The following SEMA3E variants were observed in gnomAD, a reference collection of about 807,000 sequenced individuals.
SEMA3E encodes the protein semaphorin-3E.
In SEMA3E, 49 loss-of-function variants were observed where a neutral mutation model predicts 93.6. The observed-to-expected ratio is 0.52, with a 90% CI of 0.42 to 0.66. The LOEUF (loss-of-function observed/expected upper bound fraction) is 0.66. Among genes scored for constraint, SEMA3E ranks in the 30% least tolerant of loss-of-function variants. SEMA3E has a pLI of 0.00. For missense variants in SEMA3E, 906 were observed against 964.8 expected (o/e 0.94, Z 0.81); for synonymous variants, 363 against 330.7 (o/e 1.10, Z -1.06).
intron 1 of SEMA3E, among the ~76,000 whole-genome samples, chr7:83,526,635 G>A (rs1791166271): frequency 1.3e-5 from 2 of 151,944 alleles, no homozygotes; most frequent in South Asian, 4.2e-4. Context: ...TGGCCACCTC[G>A]GTTCTGCCAA....
intron 13 of SEMA3E, among the ~76,000 whole-genome samples, 181 bp downstream of exon 13, chr7:83,394,116 G>A (rs904612250): frequency 3.9e-5 from 6 of 152,040 alleles, no homozygotes; most frequent in Non-Finnish European, 8.8e-5. Flanking sequence ...TTAATATTTT[G>A]TTAACAGGGT....
At chr7:83,527,543 A>C (rs2115711359) in intron 1 of SEMA3E, among the ~76,000 whole-genome samples, 1 of 152,298 alleles carries the variant, frequency 6.6e-6, no homozygotes, top group African/African-American at 2.4e-5. Context: ...TCAAGAATTT[A>C]GGTTACAACT....
intron 1 of SEMA3E, among the ~76,000 whole-genome samples, chr7:83,555,192 C>T (rs1033993851): frequency 2.0e-5 from 3 of 151,990 alleles, no homozygotes; most frequent in Admixed American, 6.6e-5. Context: ...AATAAAAATT[C>T]GCCCTGACCT....
chr7:83,368,930 G>A (rs902244565), intron 16 of SEMA3E, among the ~76,000 whole-genome samples: 3 of 152,166 alleles, frequency 2.0e-5, no homozygotes, highest in Non-Finnish European at 4.4e-5. Context: ...GGGCATTCAT[G>A]TATGTTTCTT....
chr7:83,523,130 T>C (rs1261712640), intron 1 of SEMA3E, among the ~76,000 whole-genome samples: 1 of 152,056 alleles, frequency 6.6e-6, no homozygotes, highest in African/African-American at 2.4e-5. Flanking sequence ...CCAGAGCAAA[T>C]GAGCATCAGA....
chr7:83,466,376 C>G, intron 4 of SEMA3E, 106 bp downstream of exon 4: 6 of 1,358,840 alleles, frequency 4.4e-6, no homozygotes, highest in Non-Finnish European at 3.1e-6. Flanking sequence ...TTCAGTACAT[C>G]GCAAATGCTT....
At position 83,639,130 on chromosome 7, in the gene SEMA3E, A is replaced by C. The variant is rs1439107121; in HGVS notation, c.115+9298T>G. ...CGTCTCAAAAAAAAAAAAAAAAAAA[A>C]AAAAAAAAAACAGAGATTCCTGAGC... is the stretch of plus-strand genomic sequence containing the variant. On this transcript the variant is annotated intron_variant, in intron 1 of 16. Coordinates refer to ENST00000643230, the MANE Select transcript of SEMA3E (RefSeq NM_012431.3). 5.6e-5 allele frequency among the ~76,000 whole-genome samples: 8 copies of C among 142,340 alleles called. No homozygotes were observed. In the South Asian group the frequency reaches 8.8e-4, roughly 16 times the overall value. The allele number at this position is 142,340 out of a possible 152,430, so 93.4% of individuals were successfully genotyped here.
At chr7:83,412,501 T>C (rs746003668) in intron 5 of SEMA3E, among the ~76,000 whole-genome samples, 1 of 152,058 alleles carries the variant, frequency 6.6e-6, no homozygotes, top group Non-Finnish European at 1.5e-5. Context: ...ATCCCAGCAC[T>C]TTGTGCAGCC....
chr7:83,374,906 TAAGTA>T (rs1178701016), intron 16 of SEMA3E, among the ~76,000 whole-genome samples: 1 of 151,922 alleles, frequency 6.6e-6, no homozygotes, highest in African/African-American at 2.4e-5. Flanking sequence ...ATCGTATGAT[TAAGTA>T]AATTATGCAT....
chr7:83,367,895 C>T lies in SEMA3E; in HGVS notation c.2019G>A (p.Val673=). ...HTVRKITLEV[V]EEEKVEDMFN... ...ACATATCCTCGACTTTCTCCTCTTCCACTACCTCCAAGGTGATTTTACGGA... is the reference window on the plus strand; with the variant it reads ...ACATATCCTCGACTTTCTCCTCTTCTACTACCTCCAAGGTGATTTTACGGA... Residue 673 remains valine, a synonymous_variant, in exon 17 of 17, where the codon GTG becomes GTA. Transcript: ENST00000643230. The T allele has an allele frequency of 6.2e-7, 1 of 1,610,614 alleles. No individual in the cohort carries two copies. Among genetic ancestry groups the T allele is most frequent in the Non-Finnish European group, 8.5e-7 (1 of 1,177,728 alleles).
chr7:83,563,072 C>T (rs1471354327), intron 1 of SEMA3E, among the ~76,000 whole-genome samples: 1 of 152,184 alleles, frequency 6.6e-6, no homozygotes, highest in East Asian at 1.9e-4. Context: ...CTACTGTAGA[C>T]AGGCATGCTC....
At chr7:83,436,998 T>C (rs1029823136) in intron 4 of SEMA3E, among the ~76,000 whole-genome samples, 8 of 152,102 alleles carry the variant, frequency 5.3e-5, no homozygotes, top group Non-Finnish European at 8.8e-5. Flanking sequence ...AGAGAGCTTG[T>C]GCAGGAAAAC....
At chr7:83,640,815 G>A (rs992442513) in intron 1 of SEMA3E, among the ~76,000 whole-genome samples, 3 of 152,106 alleles carry the variant, frequency 2.0e-5, no homozygotes, top group African/African-American at 7.2e-5. Context: ...AGAGAGAAGG[G>A]GTGGTGCCAG....
At chr7:83,590,808 A>C (rs1015325497) in intron 1 of SEMA3E, among the ~76,000 whole-genome samples, 1 of 152,076 alleles carries the variant, frequency 6.6e-6, no homozygotes. Context: ...CAGTGCCTGG[A>C]TCTTTAATAT....
intron 1 of SEMA3E, among the ~76,000 whole-genome samples, chr7:83,508,775 A>T (rs1033110745): frequency 2.0e-5 from 3 of 152,198 alleles, no homozygotes; most frequent in African/African-American, 7.2e-5. Flanking sequence ...CTTAGTAAAT[A>T]AAGATAAATT....
At chr7:83,519,158 T>A (rs1474006172) in intron 1 of SEMA3E, among the ~76,000 whole-genome samples, 2 of 151,844 alleles carry the variant, frequency 1.3e-5, no homozygotes, top group Non-Finnish European at 2.9e-5. Flanking sequence ...AGTGTGATGT[T>A]CCCCTTCCTG....
In SEMA3E at chr7:83,599,891, C is replaced by A. The variant is rs377689921; in HGVS notation, c.115+48537G>T. Among the ~76,000 whole-genome samples, 12 of 152,202 alleles carry A rather than the reference C, an allele frequency of 7.9e-5. 1 individual carries two copies. Among genetic ancestry groups the A allele is most frequent in the Admixed American group, 6.5e-5 (1 of 15,286 alleles). On this transcript the variant is annotated intron_variant, in intron 1 of 16. Transcript: ENST00000643230. ...AAGACCGTGTTTGAAATGTTAGAGG[C>A]GGAACCCATGTGTACATAAAGAATG...
At chr7:83,621,452 A>G (rs907109604) in intron 1 of SEMA3E, among the ~76,000 whole-genome samples, 3 of 152,220 alleles carry the variant, frequency 2.0e-5, no homozygotes, top group African/African-American at 7.2e-5. Context: ...TGCCATTCCC[A>G]TTAAACTACC....
chr7:83,604,536 A>C, intron 1 of SEMA3E, among the ~76,000 whole-genome samples: 1 of 150,382 alleles, frequency 6.6e-6, no homozygotes, highest in South Asian at 2.1e-4. Context: ...ATATGTATAT[A>C]TATATATGTA....
Sources: allele counts gnomAD v4.1 joint callset (sites outside exome capture counted in the v4.1 genomes callset), GRCh38; gene constraint gnomAD v4.1.1; transcripts MANE v1.5; gene names NCBI Gene and HGNC (gene_info 2026-07-23, HGNC 2026-07-21).